Variants in SLC18A3 observed in about 807,000 individuals in gnomAD.
SLC18A3 encodes solute carrier family 18 member A3, also known as vesicular acetylcholine transporter.
Under a neutral mutation model 24.2 loss-of-function variants are expected in SLC18A3, and 18 were observed. That is an observed-to-expected ratio of 0.74 (90% CI 0.51 to 1.10). SLC18A3 has a LOEUF of 1.10. SLC18A3 is among the 50% of genes least tolerant of loss of function. SLC18A3 has a pLI of 0.00. For synonymous variants in SLC18A3, 415 were observed against 355.4 expected (o/e 1.17, Z -1.89); for missense variants, 744 against 750.7 (o/e 0.99, Z 0.10).
chr10:49,610,503 C>T lies in SLC18A3; in HGVS notation c.-238C>T. ...CGGCGCGCCCGACTTCCCGGCCGCC[C>T]CTGAGCCCAGCAGCCGCGGGTCCCG... On this transcript the variant is annotated 5_prime_UTR_variant, in exon 1 of 1. Coordinates refer to ENST00000374115, the MANE Select transcript of SLC18A3 (RefSeq NM_003055.3). The T allele has an allele frequency of 2.3e-6, 1 of 437,836 alleles. No individual in the cohort carries two copies. Among genetic ancestry groups the T allele is most frequent in the Non-Finnish European group, 3.9e-6 (1 of 254,446 alleles). 27.1% of individuals were successfully genotyped at this position (437,836 alleles called of 1,614,324 possible). A position where few individuals can be genotyped will look rare whatever the true frequency, so the allele number is the denominator to read the frequency against.
rs1428480896 is a variant in SLC18A3 at position 49,611,699 on chromosome 10, T to A, written c.959T>A (p.Met320Lys). Residue 320 changes from methionine (M) to lysine (K), a missense_variant, in exon 1 of 1, where the codon ATG (methionine) becomes AAG (lysine). This residue lies in a region of SLC18A3 where 566 missense variants were observed against 566.2 expected (regional missense o/e 1.00). Coordinates refer to ENST00000374115, the MANE Select transcript of SLC18A3 (RefSeq NM_003055.3). Reference sequence around the variant, plus strand: ...ATTGCCACGTGGATGAAGCATACGATGGCGGCTTCCGAGTGGGAGATGGGC... The same window carrying A: ...ATTGCCACGTGGATGAAGCATACGAAGGCGGCTTCCGAGTGGGAGATGGGC... The part of the protein sequence containing the change: ...PTIATWMKHT[M>K]AASEWEMGMA... The A allele has an allele frequency of 6.2e-7, 1 of 1,609,338 alleles. No individual in the cohort carries two copies. Among genetic ancestry groups the A allele is most frequent in the East Asian group, 2.2e-5 (1 of 44,866 alleles).
At position 49,612,233 on chromosome 10, in the gene SLC18A3, G is replaced by T. The variant is rs547637544; in HGVS notation, c.1493G>T (p.Arg498Leu). The change falls in exon 1 of 1, where the codon CGC (arginine) becomes CTC (leucine). Residue 498 changes from arginine (R) to leucine (L), a missense_variant. Around this residue, in one of 3 missense-constraint regions of SLC18A3, gnomAD observed 160 missense variants for 140.9 expected, o/e 1.14. Transcript: ENST00000374115. ...CCGCAAGGTCTGTACGATGCGGTGC[G>T]CCTGCGTGAGCGTCCTGTGTCTGGC... ...EPPQGLYDAV[R>L]LRERPVSGQD... The T allele has an allele frequency of 2.5e-6, 4 of 1,609,244 alleles. No homozygotes were observed. In the South Asian group the frequency reaches 4.4e-5, roughly 18 times the overall value.
rs751093639 is a variant in SLC18A3 at position 49,612,195 on chromosome 10, G to C, written c.1455G>C (p.Leu485=). ...LTRSRSERDV[L]LDEPPQGLYD... ...GCTCCCGTTCCGAGCGCGATGTGCT[G>C]CTTGATGAGCCACCGCAAGGTCTGT... The change falls in exon 1 of 1, where the codon CTG becomes CTC. Residue 485 remains leucine, a synonymous_variant. Transcript: ENST00000374115. 1 of 1,609,240 alleles carries C rather than the reference G, an allele frequency of 6.2e-7. No individual in the cohort carries two copies. The highest frequency in any genetic ancestry group is 1.7e-5 in the Admixed American group (1 of 60,026).
rs199520651 is a variant in SLC18A3, at chr10:49,610,781, C to T, written c.41C>T (p.Ala14Val). Residue 14 changes from alanine (A) to valine (V), a missense_variant, in exon 1 of 1, where the codon GCC becomes GTC. This residue lies in a region of SLC18A3 where 566 missense variants were observed against 566.2 expected (regional missense o/e 1.00). Transcript: ENST00000374115. The stretch of plus-strand genomic sequence containing the variant: ...CCTGCGGGCCAGGCCCGGGCGGCGG[C>T]CACCAAGCTGTCGGAGGCTGTGGGC... ...AEPAGQARAA[A>V]TKLSEAVGAA... 7.4e-5 allele frequency: 116 copies of T among 1,570,614 alleles called. 1 individual carries two copies. In the East Asian group the frequency reaches 2.5e-3, roughly 34 times the overall value.
In SLC18A3 at chr10:49,610,564, C is replaced by T. The variant is rs1838262036; in HGVS notation, c.-177C>T. 2 of 564,410 alleles carry T rather than the reference C, an allele frequency of 3.5e-6. No individual in the cohort carries two copies. The highest frequency in any genetic ancestry group is 3.4e-5 in the South Asian group (1 of 28,986). The allele number at this position is 564,410 out of a possible 1,614,324, so 35.0% of individuals were successfully genotyped here. Reference sequence around the variant, plus strand: ...AGAGTAGCTGCAACGCCTCGCCGGACGGAGTCCTTTCCTTTCCCGGGACGC... The same window carrying T: ...AGAGTAGCTGCAACGCCTCGCCGGATGGAGTCCTTTCCTTTCCCGGGACGC... On this transcript the variant is annotated 5_prime_UTR_variant, in exon 1 of 1. In the 5' UTR this introduces an upstream ATG that the reference lacks. Transcript: ENST00000374115.
Position 49,611,499 on chromosome 10 carries a change from C to G in SLC18A3, c.759C>G (p.Leu253=). 6.2e-7 allele frequency: 1 copy of G among 1,600,618 alleles called. No individual in the cohort carries two copies. The highest frequency in any genetic ancestry group is 8.5e-7 in the Non-Finnish European group (1 of 1,179,876). The change falls in exon 1 of 1, where the codon CTC becomes CTG. Residue 253 remains leucine, a synonymous_variant. Coordinates refer to ENST00000374115, the MANE Select transcript of SLC18A3 (RefSeq NM_003055.3). The stretch of plus-strand genomic sequence containing the variant: ...TCTTGGTGCTAGCTGCCGTGTCGCT[C>G]TTTGACGCGCTGTTGCTGCTGGCAG... The part of the protein sequence containing the change: ...VPFLVLAAVS[L]FDALLLLAVA...
In SLC18A3 at chr10:49,611,811, G is replaced by A. The variant is rs1052148536; in HGVS notation, c.1071G>A (p.Trp357Ter). 1 of 1,603,360 alleles carries A rather than the reference G, an allele frequency of 6.2e-7. No individual in the cohort carries two copies. The highest frequency in any genetic ancestry group is 1.3e-5 in the African/African-American group (1 of 74,948). The change falls in exon 1 of 1, where the codon TGG becomes TGA. Residue 357 changes from tryptophan to a stop codon, truncating the protein, a stop_gained. Transcript: ENST00000374115. LOFTEE classifies it high-confidence loss of function. Reference protein sequence around the residue: ...RLAARYPHLQWLYGALGLAVI... With the variant: ...RLAARYPHLQ ...CGGCGCGCTACCCACACCTGCAGTGGCTGTACGGCGCGCTTGGGCTGGCTG... is the reference window on the plus strand; with the variant it reads ...CGGCGCGCTACCCACACCTGCAGTGACTGTACGGCGCGCTTGGGCTGGCTG...
At position 49,612,673 on chromosome 10, in the gene SLC18A3, G is replaced by T; in HGVS notation, c.*334G>T. The T allele has an allele frequency of 3.2e-6, 1 of 308,832 alleles. No individual in the cohort carries two copies. The allele number at this position is 308,832 out of a possible 1,614,324, so 19.1% of individuals were successfully genotyped here. On this transcript the variant is annotated 3_prime_UTR_variant, in exon 1 of 1. Transcript: ENST00000374115. The stretch of plus-strand genomic sequence containing the variant: ...CTCCCAGTGCCAAACTTGGGCCGCT[G>T]CACCGCGGCGCCTCCGCCCAAATCA...
In SLC18A3 at chr10:49,610,698, G is replaced by T. The variant is rs766891845; in HGVS notation, c.-43G>T. 5.5e-6 allele frequency: 8 copies of T among 1,449,702 alleles called. No individual in the cohort carries two copies. The highest frequency in any genetic ancestry group is 7.2e-6 in the Non-Finnish European group (8 of 1,106,040). 89.8% of individuals were successfully genotyped at this position (1,449,702 alleles called of 1,614,324 possible). On this transcript the variant is annotated 5_prime_UTR_variant, in exon 1 of 1. Transcript: ENST00000374115. ...TCTGCACTGCGGGACGCCAGCGCTC[G>T]GCCCTGGCGGAGGCGTCCTCGGAAG... is the stretch of plus-strand genomic sequence containing the variant.
chr10:49,611,490 C>T lies in SLC18A3; in HGVS notation c.750C>T (p.Ala250=), dbSNP rs760173383. The change falls in exon 1 of 1, where the codon GCC becomes GCT. Residue 250 remains alanine, a synonymous_variant. Coordinates refer to ENST00000374115, the MANE Select transcript of SLC18A3 (RefSeq NM_003055.3). ...GKRVPFLVLA[A]VSLFDALLLL... ...GCGTGCCCTTCTTGGTGCTAGCTGC[C>T]GTGTCGCTCTTTGACGCGCTGTTGC... The T allele has an allele frequency of 1.9e-6, 3 of 1,599,958 alleles. No individual in the cohort carries two copies. The highest frequency in any genetic ancestry group is 1.3e-5 in the African/African-American group (1 of 74,934).
chr10:49,611,679 C>T lies in SLC18A3; in HGVS notation c.939C>T (p.Ala313=). 1 of 1,611,022 alleles carries T rather than the reference C, an allele frequency of 6.2e-7. No homozygotes were observed. Among genetic ancestry groups the T allele is most frequent in the African/African-American group, 1.3e-5 (1 of 75,056 alleles). ...TCGCCTTCCTCGAACCCACCATTGC[C>T]ACGTGGATGAAGCATACGATGGCGG... is the stretch of plus-strand genomic sequence containing the variant. ...IPLAFLEPTI[A]TWMKHTMAAS... The change falls in exon 1 of 1, where the codon GCC becomes GCT. Residue 313 remains alanine, a synonymous_variant. Transcript: ENST00000374115.
At position 49,610,839 on chromosome 10, in the gene SLC18A3, C is replaced by T. The variant is rs1348559155; in HGVS notation, c.99C>T (p.Arg33=). ...AALQEPRRQR[R]LVLVIVCVAL... is the part of the protein sequence containing the mutation. ...TGCAGGAGCCCCGGCGGCAGAGGCG[C>T]CTGGTGCTTGTTATCGTGTGCGTGG... Residue 33 remains arginine, a synonymous_variant, in exon 1 of 1, where the codon CGC becomes CGT. Transcript: ENST00000374115. 1.2e-6 allele frequency: 2 copies of T among 1,610,894 alleles called. No individual in the cohort carries two copies. Among genetic ancestry groups the T allele is most frequent in the Admixed American group, 1.7e-5 (1 of 59,700 alleles).
In SLC18A3 at chr10:49,612,157, G is replaced by A. The variant is rs1237667584; in HGVS notation, c.1417G>A (p.Gly473Ser). ...CGTCTTGCTGCTGCTCCGCAACGTG[G>A]GCCTCCTGACGCGCTCCCGTTCCGA... ...APVLLLLRNVGLLTRSRSERD... is the reference protein window; with the variant it reads ...APVLLLLRNVSLLTRSRSERD... The change falls in exon 1 of 1, where the codon GGC becomes AGC. Residue 473 changes from glycine to serine, a missense_variant. By Grantham distance (56) the Gly-to-Ser change is moderately conservative. Around this residue, in one of 3 missense-constraint regions of SLC18A3, gnomAD observed 160 missense variants for 140.9 expected, o/e 1.14. Transcript: ENST00000374115. 6.2e-7 allele frequency: 1 copy of A among 1,611,238 alleles called. No individual in the cohort carries two copies. Among genetic ancestry groups the A allele is most frequent in the East Asian group, 2.2e-5 (1 of 44,852 alleles).
Position 49,611,476 on chromosome 10 carries a change from T to C in SLC18A3, c.736T>C (p.Leu246=). 1 of 1,599,554 alleles carries C rather than the reference T, an allele frequency of 6.3e-7. No individual in the cohort carries two copies. The highest frequency in any genetic ancestry group is 8.5e-7 in the Non-Finnish European group (1 of 1,179,732). ...GTTCGCCGGCAAGCGCGTGCCCTTC[T>C]TGGTGCTAGCTGCCGTGTCGCTCTT... is the stretch of plus-strand genomic sequence containing the variant. ...YEFAGKRVPF[L]VLAAVSLFDA... Residue 246 remains leucine (L), a synonymous_variant, in exon 1 of 1, where the codon TTG becomes CTG. Coordinates refer to ENST00000374115, the MANE Select transcript of SLC18A3 (RefSeq NM_003055.3).
rs1429145173 is a variant in SLC18A3, at chr10:49,610,702, C to G, written c.-39C>G. 2 of 1,458,722 alleles carry G rather than the reference C, an allele frequency of 1.4e-6. No homozygotes were observed. The highest frequency in any genetic ancestry group is 5.0e-5 in the East Asian group (2 of 39,982). 90.4% of individuals were successfully genotyped at this position (1,458,722 alleles called of 1,614,324 possible). A position where few individuals can be genotyped will look rare whatever the true frequency, so the allele number is the denominator to read the frequency against. ...CACTGCGGGACGCCAGCGCTCGGCC[C>G]TGGCGGAGGCGTCCTCGGAAGAGCA... On this transcript the variant is annotated 5_prime_UTR_variant, in exon 1 of 1. Transcript: ENST00000374115.
Position 49,611,169 on chromosome 10 carries a change from G to A in SLC18A3, c.429G>A (p.Gly143=). Residue 143 remains glycine (G), a synonymous_variant, in exon 1 of 1, where the codon GGG becomes GGA. Coordinates refer to ENST00000374115, the MANE Select transcript of SLC18A3 (RefSeq NM_003055.3). ...AGCTGCTAGTGAACCCCTTGAGCGG[G>A]CCCTTCATCGACCGCATGAGCTACG... The part of the protein sequence containing the change: ...ILQLLVNPLS[G]PFIDRMSYDV... The A allele has an allele frequency of 1.5e-5, 25 of 1,614,158 alleles. No homozygotes were observed. Among genetic ancestry groups the A allele is most frequent in the Non-Finnish European group, 1.9e-5 (23 of 1,179,994 alleles).
rs139485937 is a variant in SLC18A3 at position 49,612,271 on chromosome 10, C to A, written c.1531C>A (p.Pro511Thr). 1.9e-6 allele frequency: 3 copies of A among 1,611,072 alleles called. No individual in the cohort carries two copies. Among genetic ancestry groups the A allele is most frequent in the Non-Finnish European group, 2.5e-6 (3 of 1,179,838 alleles). Residue 511 changes from proline (P) to threonine (T), a missense_variant, in exon 1 of 1, where the codon CCT becomes ACT. By Grantham distance (38) the Pro-to-Thr change is conservative. Coordinates refer to ENST00000374115, the MANE Select transcript of SLC18A3 (RefSeq NM_003055.3). ...ERPVSGQDGEPRSPPGPFDAC... is the reference protein window; with the variant it reads ...ERPVSGQDGETRSPPGPFDAC... Reference sequence around the variant, plus strand: ...TCCTGTGTCTGGCCAGGACGGCGAGCCTCGCAGCCCGCCTGGCCCTTTTGA... The same window carrying A: ...TCCTGTGTCTGGCCAGGACGGCGAGACTCGCAGCCCGCCTGGCCCTTTTGA...
chr10:49,612,187 G>A lies in SLC18A3; in HGVS notation c.1447G>A (p.Asp483Asn), dbSNP rs1378497250. ...CCTGACGCGCTCCCGTTCCGAGCGC[G>A]ATGTGCTGCTTGATGAGCCACCGCA... is the stretch of plus-strand genomic sequence containing the variant. ...GLLTRSRSER[D>N]VLLDEPPQGL... The change falls in exon 1 of 1, where the codon GAT becomes AAT. Residue 483 changes from aspartate to asparagine, a missense_variant. Physicochemically the swap from Asp to Asn is conservative, Grantham distance 23. Coordinates refer to ENST00000374115, the MANE Select transcript of SLC18A3 (RefSeq NM_003055.3). The A allele has an allele frequency of 6.2e-7, 1 of 1,609,748 alleles. No homozygotes were observed. The highest frequency in any genetic ancestry group is 8.5e-7 in the Non-Finnish European group (1 of 1,179,984).
rs1020740075 is a variant in SLC18A3, at chr10:49,612,343, C to T, written c.*4C>T. The T allele has an allele frequency of 1.9e-6, 3 of 1,575,802 alleles. No individual in the cohort carries two copies. The highest frequency in any genetic ancestry group is 3.4e-4 in the Middle Eastern group (2 of 5,888). ...CTACTACTACACCCGCAGCTAGCAT[C>T]CCCACTCCTCCTCCAGCCCACCCAA... is the stretch of plus-strand genomic sequence containing the variant. On this transcript the variant is annotated 3_prime_UTR_variant, in exon 1 of 1. Coordinates refer to ENST00000374115, the MANE Select transcript of SLC18A3 (RefSeq NM_003055.3).
Sources: gnomAD v4.1 joint callset for allele counts on GRCh38, gnomAD v4.1.1 for gene constraint, gnomAD v4.1.1 regional missense constraint, MANE v1.5 for transcripts, NCBI Gene and HGNC (gene_info 2026-07-23, HGNC 2026-07-21) for gene names.